The following ALDH7A1 variants were observed in gnomAD, a reference collection of about 807,000 sequenced individuals.
ALDH7A1 encodes alpha-aminoadipic semialdehyde dehydrogenase.
A neutral mutation model predicts 79.9 loss-of-function variants in ALDH7A1; 63 were observed. The observed-to-expected ratio is 0.79, with a 90% confidence interval of 0.64 to 0.97. The LOEUF is 0.97. Among genes scored for constraint, ALDH7A1 ranks in the 50% least tolerant of loss-of-function variants. ALDH7A1 has a pLI of 0.00. For missense variants in ALDH7A1, 627 were observed against 665.2 expected (o/e 0.94, Z 0.63); for synonymous variants, 240 against 231.2 (o/e 1.04, Z -0.34).
chr5:126,594,438 A>ATTTT (rs34684581), intron 1 of ALDH7A1: 214 of 185,484 alleles, frequency 1.2e-3, no homozygotes, highest in Admixed American at 1.9e-3. Context: ...TAAGGTTTTA[A>ATTTT]TTTTTTTTTT....
Position 126,555,933 on chromosome 5 carries a change from T to C in ALDH7A1, c.1091A>G (p.Asp364Gly), listed in dbSNP as rs1318450400. The C allele has an allele frequency of 3.1e-6, 5 of 1,611,542 alleles. No homozygotes were observed. The South Asian group carries it at 3.3e-5, about 11-fold the overall frequency. The change falls in exon 12 of 18, where the codon GAC (aspartate) becomes GGC (glycine). Residue 364 changes from aspartate to glycine, a missense_variant and splice_region_variant. By Grantham distance (94) the Asp-to-Gly change is moderately conservative. Coordinates refer to ENST00000409134, the MANE Select transcript of ALDH7A1 (RefSeq NM_001182.5). Reference sequence around the variant, plus strand: ...TGAAAGCAGAAGGAGATACTCACGGTCCCATGGGTTCCCAACTCGGATCTG... The same window carrying C: ...TGAAAGCAGAAGGAGATACTCACGGCCCCATGGGTTCCCAACTCGGATCTG... Reference protein sequence around the residue: ...YAQIRVGNPWDPNVLYGPLHT... With the variant: ...YAQIRVGNPWGPNVLYGPLHT...
intron 7 of ALDH7A1, among the ~76,000 whole-genome samples, chr5:126,574,174 G>A (rs1487923797): frequency 6.6e-6 from 1 of 152,006 alleles, no homozygotes; most frequent in Non-Finnish European, 1.5e-5. Flanking sequence ...GCCAAGGCAG[G>A]CGGATCACAA....
rs538491686 is a variant in ALDH7A1 at position 126,558,164 on chromosome 5, C to G, written c.1008+1076G>C. Among the ~76,000 whole-genome samples, 121 of 38,724 alleles carry G rather than the reference C, an allele frequency of 3.1e-3. 1 individual carries two copies. The highest frequency in any genetic ancestry group is 0.014 in the African/African-American group (116 of 8,202). The allele number at this position is 38,724 out of a possible 152,430, so 25.4% of individuals were successfully genotyped here. A position where few individuals can be genotyped will look rare whatever the true frequency, so the allele number is the denominator to read the frequency against. On this transcript the variant is annotated intron_variant, in intron 11 of 17. Coordinates refer to ENST00000409134, the MANE Select transcript of ALDH7A1 (RefSeq NM_001182.5). ...CCTGGGCAACAGAGCGAGACTCCAA[C>G]TCAAAAAAAAAAAAAAAAAAAAAAA...
At chr5:126,545,846 C>T (rs147110051) in intron 17 of ALDH7A1, among the ~76,000 whole-genome samples, 6 of 150,892 alleles carry the variant, frequency 4.0e-5, no homozygotes, top group Non-Finnish European at 7.4e-5. Context: ...AGCATGGTGG[C>T]TCATGCCTGT....
intron 16 of ALDH7A1, among the ~76,000 whole-genome samples, chr5:126,547,123 G>A (rs770893716): frequency 2.9e-4 from 44 of 152,180 alleles, no homozygotes; most frequent in Non-Finnish European, 5.1e-4. Context: ...GAACAGAGTC[G>A]CAGAGGCTCT....
chr5:126,561,270 G>T, intron 9 of ALDH7A1, 146 bp from the exon 10 acceptor site: 1 of 524,168 alleles, frequency 1.9e-6, no homozygotes, highest in Non-Finnish European at 3.3e-6. Context: ...AGCCTATCCT[G>T]ATTACACCCT....
At chr5:126,578,606 T>C (rs1581390280) in intron 5 of ALDH7A1, among the ~76,000 whole-genome samples, 1 of 132,914 alleles carries the variant, frequency 7.5e-6, no homozygotes, top group East Asian at 2.2e-4. Context: ...ACCACTGCAC[T>C]CCAGCCTGGA....
intron 10 of ALDH7A1, 23 bp from the exon 11 acceptor site, chr5:126,559,357 C>T (rs757992361): frequency 6.4e-7 from 1 of 1,565,738 alleles, no homozygotes; most frequent in Non-Finnish European, 8.8e-7. Flanking sequence ...CAAACACTTC[C>T]ATCAGCGAAC....
Position 126,583,966 on chromosome 5 carries a change from G to C in ALDH7A1, c.359C>G (p.Ala120Gly), listed in dbSNP as rs549279821. ...TAGTACTTGGATCTTCTCCCGCAAG[G>C]CATCGCCAATCTGTCTTACTATTTC... is the stretch of plus-strand genomic sequence containing the variant. ...RGEIVRQIGD[A>G]LREKIQVLGS... The change falls in exon 4 of 18, where the codon GCC (alanine) becomes GGC (glycine). Residue 120 changes from alanine (A) to glycine (G), a missense_variant. By Grantham distance (60) the Ala-to-Gly change is moderately conservative (BLOSUM62 0). Coordinates refer to ENST00000409134, the MANE Select transcript of ALDH7A1 (RefSeq NM_001182.5). 1.3e-5 allele frequency: 21 copies of C among 1,614,126 alleles called. No homozygotes were observed. Among genetic ancestry groups the C allele is most frequent in the Admixed American group, 1.2e-4 (7 of 60,020 alleles).
chr5:126,564,972 T>C (rs1232490699), intron 9 of ALDH7A1, among the ~76,000 whole-genome samples: 1 of 152,160 alleles, frequency 6.6e-6, no homozygotes, highest in African/African-American at 2.4e-5. Flanking sequence ...ACTACTACTA[T>C]TACTACTTAG....
chr5:126,583,620 T>G (rs1751248546), intron 4 of ALDH7A1, among the ~76,000 whole-genome samples: 1 of 151,980 alleles, frequency 6.6e-6, no homozygotes, highest in Non-Finnish European at 1.5e-5. Context: ...CAGGATCACC[T>G]GAGGTTAGGA....
intron 8 of ALDH7A1, chr5:126,568,688 T>A: frequency 5.8e-6 from 2 of 342,994 alleles, no homozygotes; most frequent in Non-Finnish European, 1.1e-5. Flanking sequence ...TTTTACAAAC[T>A]TTTAACTGCT....
At chr5:126,578,078 C>T (rs1015577879) in intron 5 of ALDH7A1, among the ~76,000 whole-genome samples, 1 of 150,206 alleles carries the variant, frequency 6.7e-6, no homozygotes. Flanking sequence ...GACTTGAGGT[C>T]GGGAGTTCAA....
intron 9 of ALDH7A1, among the ~76,000 whole-genome samples, chr5:126,562,877 T>C (rs1444391159): frequency 6.6e-6 from 1 of 152,014 alleles, no homozygotes; most frequent in Non-Finnish European, 1.5e-5. Context: ...TTAAGTGAAA[T>C]AAGGTAGTCA....
intron 16 of ALDH7A1, among the ~76,000 whole-genome samples, chr5:126,547,660 T>C (rs920293999): frequency 2.6e-5 from 4 of 152,196 alleles, no homozygotes; most frequent in African/African-American, 7.2e-5. Flanking sequence ...AGAGGGTCAA[T>C]ACATAATGTC....
At chr5:126,579,957 TAAAC>T (rs1223888456) in intron 5 of ALDH7A1, 2 of 166,946 alleles carry the variant, frequency 1.2e-5, no homozygotes, top group African/African-American at 4.8e-5. Context: ...CTATCTCAAA[TAAAC>T]AAACGAAAAT....
intron 1 of ALDH7A1, 47 bp from the exon 2 acceptor site, chr5:126,593,451 T>C (rs990691206): frequency 1.2e-6 from 2 of 1,612,182 alleles, no homozygotes; most frequent in South Asian, 1.1e-5. Context: ...GTAATCCCTT[T>C]TGAAGTAAGG....
At chr5:126,564,438 G>T in intron 9 of ALDH7A1, 1 of 918,830 alleles carries the variant, frequency 1.1e-6, no homozygotes, top group Non-Finnish European at 1.4e-6. Flanking sequence ...GTGAGCCACT[G>T]TGCCCAGCCT....
rs921053868 is a variant in ALDH7A1, at chr5:126,545,049, C to T, written c.1566-30G>A. The T allele has an allele frequency of 3.3e-6, 5 of 1,494,236 alleles. No individual in the cohort carries two copies. In the African/African-American group the frequency reaches 5.5e-5, roughly 17 times the overall value. The allele number at this position is 1,494,236 out of a possible 1,614,324, so 92.6% of individuals were successfully genotyped here. ...TGGGAAAAAATAACAGAATTAATGACAGTACATACATAACAGAAGATTTTC... is the reference window on the plus strand; with the variant it reads ...TGGGAAAAAATAACAGAATTAATGATAGTACATACATAACAGAAGATTTTC... On this transcript the variant is annotated intron_variant, in intron 17 of 17. Coordinates refer to ENST00000409134, the MANE Select transcript of ALDH7A1 (RefSeq NM_001182.5).
Sources: allele counts gnomAD v4.1 joint callset (sites outside exome capture counted in the v4.1 genomes callset), GRCh38; gene constraint gnomAD v4.1.1; transcripts MANE v1.5; gene names NCBI Gene and HGNC (gene_info 2026-07-23, HGNC 2026-07-21).